The following FHIT variants were observed in gnomAD, a reference collection of about 807,000 sequenced individuals.
FHIT encodes the protein bis(5'-adenosyl)-triphosphatase.
In FHIT, 19 loss-of-function variants were observed where a neutral mutation model predicts 17.9. The observed-to-expected ratio is 1.06, with a 90% CI of 0.74 to 1.56. The LOEUF (loss-of-function observed/expected upper bound fraction) is 1.56. Ranked by LOEUF, FHIT falls within the 40% of genes most tolerant of loss-of-function variation. The pLI, the probability that FHIT is intolerant of heterozygous loss-of-function variation, is 0.00. For synonymous variants in FHIT, 81 were observed against 69.7 expected, an observed-to-expected ratio of 1.16 and a Z score of -0.81; for missense variants, 248 against 189.2, an observed-to-expected ratio of 1.31 and a Z score of -1.82.
rs1014231050 is a variant in FHIT, at chr3:60,170,876, T to G, written c.104-156724A>C. Among the ~76,000 whole-genome samples, 10 of 152,244 alleles carry G rather than the reference T, an allele frequency of 6.6e-5. No individual in the cohort carries two copies. In the South Asian group the frequency reaches 1.7e-3, roughly 25 times the overall value. ...TTTCTCCCACAAACAGGAAGACCAG[T>G]GTCAAAATATTGAGCAACTCTCCTA... On this transcript the variant is annotated intron_variant, in intron 5 of 9. Coordinates refer to ENST00000492590, the MANE Select transcript of FHIT (RefSeq NM_002012.4).
At chr3:61,038,233 C>T (rs572928606) in intron 3 of FHIT, among the ~76,000 whole-genome samples, 2 of 152,252 alleles carry the variant, frequency 1.3e-5, no homozygotes, top group South Asian at 2.1e-4. Flanking sequence ...TCCTAATAAA[C>T]GTAGTAAAGA....
At chr3:60,053,240 G>A (rs1290113651) in intron 5 of FHIT, among the ~76,000 whole-genome samples, 3 of 151,324 alleles carry the variant, frequency 2.0e-5, no homozygotes, top group African/African-American at 7.3e-5. Flanking sequence ...ACCTAAAGTA[G>A]GCTATCCCAA....
At chr3:59,891,400 G>A (rs1397663382) in intron 8 of FHIT, among the ~76,000 whole-genome samples, 1 of 152,246 alleles carries the variant, frequency 6.6e-6, no homozygotes, top group East Asian at 1.9e-4. Flanking sequence ...CGGGGCTCCA[G>A]TGAGAAGAAT....
intron 5 of FHIT, 118 bp downstream of exon 5, chr3:60,536,742 G>A (rs1343987814): frequency 3.7e-6 from 4 of 1,095,030 alleles, no homozygotes; most frequent in African/African-American, 3.2e-5. Flanking sequence ...GGAGGGAGAT[G>A]GATTCTTTAT....
intron 1 of FHIT, among the ~76,000 whole-genome samples, chr3:61,210,511 G>A (rs1353622675): frequency 2.6e-5 from 4 of 152,178 alleles, no homozygotes; most frequent in East Asian, 3.9e-4. Context: ...AATGGCAGGC[G>A]CCCCTCCCCC....
chr3:59,960,409 C>T (rs1475907685), intron 7 of FHIT, among the ~76,000 whole-genome samples: 2 of 152,174 alleles, frequency 1.3e-5, no homozygotes, highest in Non-Finnish European at 1.5e-5. Flanking sequence ...GATTTCTGAC[C>T]TGACCAGATA....
At chr3:60,700,695 T>G (rs2041225933) in intron 4 of FHIT, among the ~76,000 whole-genome samples, 1 of 152,194 alleles carries the variant, frequency 6.6e-6, no homozygotes, top group Non-Finnish European at 1.5e-5. Flanking sequence ...TATATGAAAC[T>G]CTTCCATTTC....
chr3:61,207,775 G>C (rs1223072096), intron 1 of FHIT, among the ~76,000 whole-genome samples: 1 of 152,028 alleles, frequency 6.6e-6, no homozygotes, highest in African/African-American at 2.4e-5. Flanking sequence ...ACCAGCTCCT[G>C]GATTCATTAA....
chr3:60,671,187 C>T (rs1485356792), intron 4 of FHIT, among the ~76,000 whole-genome samples: 1 of 152,080 alleles, frequency 6.6e-6, no homozygotes, highest in East Asian at 1.9e-4. Context: ...CCTCAGAATA[C>T]CCTTGATAAA....
intron 8 of FHIT, among the ~76,000 whole-genome samples, chr3:59,922,119 G>T (rs1027203429): frequency 6.6e-6 from 1 of 152,190 alleles, no homozygotes; most frequent in Admixed American, 6.5e-5. Context: ...AAGGACACTT[G>T]GTTTCTGCTG....
intron 5 of FHIT, among the ~76,000 whole-genome samples, chr3:60,349,215 C>T (rs562321747): frequency 6.6e-6 from 1 of 152,236 alleles, no homozygotes; most frequent in Non-Finnish European, 1.5e-5. Context: ...TATGCACAGT[C>T]TGAATTTTGA....
chr3:60,118,878 G>A (rs1705114281), intron 5 of FHIT, among the ~76,000 whole-genome samples: 1 of 150,632 alleles, frequency 6.6e-6, no homozygotes, highest in Admixed American at 6.6e-5. Flanking sequence ...AAAAATAGCT[G>A]GGCGTGGTGG....
chr3:59,951,758 T>A (rs533570082), intron 7 of FHIT, among the ~76,000 whole-genome samples: 2 of 152,126 alleles, frequency 1.3e-5, no homozygotes, highest in African/African-American at 4.8e-5. Flanking sequence ...GAAAGCCTCT[T>A]CATTGAGATG....
At chr3:60,460,795 G>T (rs538216757) in intron 5 of FHIT, among the ~76,000 whole-genome samples, 2 of 152,244 alleles carry the variant, frequency 1.3e-5, no homozygotes, top group East Asian at 1.9e-4. Context: ...ATAGATGCAG[G>T]CTGGAAGACA....
At chr3:61,062,767 C>G (rs552540926) in intron 2 of FHIT, among the ~76,000 whole-genome samples, 1 of 152,254 alleles carries the variant, frequency 6.6e-6, no homozygotes, top group East Asian at 1.9e-4. Context: ...GGATCTGATT[C>G]TATCTCTTAA....
At chr3:59,948,153 G>C (rs1706918746) in intron 7 of FHIT, among the ~76,000 whole-genome samples, 1 of 151,884 alleles carries the variant, frequency 6.6e-6, no homozygotes, top group Non-Finnish European at 1.5e-5. Flanking sequence ...CCTTTCTCTG[G>C]GATAAATGCC....
chr3:60,150,055 G>A lies in FHIT; in HGVS notation c.104-135903C>T, dbSNP rs368893775. ...TTGTTGCCCAGGCTGGAGTGCAGTG[G>A]CGCAATCTCAGCTCACTGCAACCTC... On this transcript the variant is annotated intron_variant, in intron 5 of 9. Coordinates refer to ENST00000492590, the MANE Select transcript of FHIT (RefSeq NM_002012.4). Among the ~76,000 whole-genome samples, 542 of 141,238 alleles carry A rather than the reference G, an allele frequency of 3.8e-3. 5 individuals carry two copies. The highest frequency in any genetic ancestry group is 0.013 in the African/African-American group (506 of 37,510). The allele number at this position is 141,238 out of a possible 152,430, so 92.7% of individuals were successfully genotyped here.
chr3:60,314,741 A>G (rs1306102312), intron 5 of FHIT, among the ~76,000 whole-genome samples: 2 of 152,132 alleles, frequency 1.3e-5, no homozygotes, highest in East Asian at 3.9e-4. Context: ...TGAGGGGTCT[A>G]TGTTCCTTCT....
chr3:61,226,699 G>C (rs116820409), intron 1 of FHIT, among the ~76,000 whole-genome samples: 1 of 152,172 alleles, frequency 6.6e-6, no homozygotes, highest in South Asian at 2.1e-4. Flanking sequence ...AAAGGAAAGA[G>C]AGAGAGAAAG....
Sources: allele counts gnomAD v4.1 joint callset (sites outside exome capture counted in the v4.1 genomes callset), GRCh38; gene constraint gnomAD v4.1.1; transcripts MANE v1.5; gene names NCBI Gene and HGNC (gene_info 2026-07-23, HGNC 2026-07-21).